ARHGAP26: variants seen among roughly 807,000 people sequenced by gnomAD.
ARHGAP26 encodes the protein rho GTPase-activating protein 26.
Under a neutral mutation model 104.8 loss-of-function variants are expected in ARHGAP26, and 38 were observed. That is an observed-to-expected ratio of 0.36 (90% CI 0.28 to 0.48). The LOEUF (loss-of-function observed/expected upper bound fraction) is 0.48. Among genes scored for constraint, ARHGAP26 ranks in the 20% least tolerant of loss-of-function variants. The pLI is 0.99. For missense variants in ARHGAP26, 704 were observed against 947.9 expected (o/e 0.74, Z 3.38); for synonymous variants, 341 against 340.0 (o/e 1.00, Z -0.03).
rs558354646 is a variant in ARHGAP26 at position 143,148,497 on chromosome 5, T to A, written c.1988+1116T>A. 4.6e-5 allele frequency among the ~76,000 whole-genome samples: 7 copies of A among 152,322 alleles called. No individual in the cohort carries two copies. In the South Asian group the frequency reaches 1.5e-3, roughly 32 times the overall value. ...AATGTGACTATACTGTAGGATGAAA[T>A]CTGAAACTGAGAATATAAGATCTTT... On this transcript the variant is annotated intron_variant, in intron 20 of 22. Transcript: ENST00000645722.
In ARHGAP26 at chr5:143,014,394, A is replaced by ATCGTAGGTCTTAAGACTATAGC. The variant is rs1213917603; in HGVS notation, c.1144+283_1144+304dup. The ATCGTAGGTCTTAAGACTATAGC allele has an allele frequency of 9.9e-6, 5 of 506,386 alleles. No homozygotes were observed. The Admixed American group carries it at 1.4e-4, about 14-fold the overall frequency. 31.4% of individuals were successfully genotyped at this position (506,386 alleles called of 1,614,324 possible). ...ATTCTCGTGTACATTATCTCCTTTA[A>ATCGTAGGTCTTAAGACTATAGC]TCGTAGGTCTTAAGACTATAGCTCG... On this transcript the variant is annotated intron_variant, in intron 12 of 22. Coordinates refer to ENST00000645722, the MANE Select transcript of ARHGAP26 (RefSeq NM_001135608.3).
intron 16 of ARHGAP26, 78 bp from the exon 17 acceptor site, chr5:143,057,564 G>T: frequency 8.5e-7 from 1 of 1,174,342 alleles, no homozygotes. Flanking sequence ...CTCATCCTTT[G>T]GTTTCCCTTA....
chr5:142,965,373 G>T (rs1270403205), intron 11 of ARHGAP26, among the ~76,000 whole-genome samples: 1 of 152,160 alleles, frequency 6.6e-6, no homozygotes, highest in Non-Finnish European at 1.5e-5. Flanking sequence ...CTAAGTAGCG[G>T]GTATTGTTCC....
At chr5:143,092,609 G>A (rs967109116) in intron 17 of ARHGAP26, among the ~76,000 whole-genome samples, 13 of 148,896 alleles carry the variant, frequency 8.7e-5, no homozygotes, top group Admixed American at 6.0e-4. Context: ...CTTCCTTCAC[G>A]TAGGTGGACT....
chr5:143,052,665 A>G (rs921958747), intron 14 of ARHGAP26, among the ~76,000 whole-genome samples: 2 of 152,052 alleles, frequency 1.3e-5, no homozygotes, highest in Admixed American at 1.3e-4. Context: ...ACACACGGAG[A>G]GCAGTAGATA....
At chr5:143,027,354 T>C (rs1322302551) in intron 12 of ARHGAP26, among the ~76,000 whole-genome samples, 1 of 151,206 alleles carries the variant, frequency 6.6e-6, no homozygotes, top group African/African-American at 2.4e-5. Context: ...TTTTCTTTTT[T>C]TTTTTTTTTA....
At chr5:142,947,095 T>TTAAAAAAAAAAAA (rs1491383996) in intron 11 of ARHGAP26, 2 of 70,684 alleles carry the variant, frequency 2.8e-5, no homozygotes, top group African/African-American at 1.0e-4. Context: ...TTTTTAAAAG[T>TTAAAAAAAAAAAA]AAAAAAAAAA....
chr5:143,207,409 C>A (rs754066085), intron 21 of ARHGAP26, 101 bp downstream of exon 21: 3 of 1,614,146 alleles, frequency 1.9e-6, no homozygotes, highest in Non-Finnish European at 2.5e-6. Context: ...CAACTTTGTT[C>A]CCTGCCATCC....
chr5:142,819,938 A>G (rs1452923108), intron 1 of ARHGAP26, among the ~76,000 whole-genome samples: 1 of 152,170 alleles, frequency 6.6e-6, no homozygotes, highest in Non-Finnish European at 1.5e-5. Flanking sequence ...AGACTTCAGG[A>G]GGCCTGTGAA....
At chr5:143,135,052 G>C (rs1797760128) in intron 19 of ARHGAP26, among the ~76,000 whole-genome samples, 1 of 152,232 alleles carries the variant, frequency 6.6e-6, no homozygotes, top group Non-Finnish European at 1.5e-5. Flanking sequence ...GTTCAAAACT[G>C]AGTAAGGAAG....
At chr5:142,890,074 T>G (rs557983875) in intron 5 of ARHGAP26, among the ~76,000 whole-genome samples, 4 of 142,670 alleles carry the variant, frequency 2.8e-5, no homozygotes, top group South Asian at 2.3e-4. Context: ...AGGCGGAGGT[T>G]GCGGTGAGCC....
At chr5:143,221,602 C>A (rs1296127529) in intron 22 of ARHGAP26, among the ~76,000 whole-genome samples, 2 of 152,176 alleles carry the variant, frequency 1.3e-5, no homozygotes, top group Non-Finnish European at 2.9e-5. Context: ...CAGCCTCGAC[C>A]TGCTGAGCCC....
intron 21 of ARHGAP26, among the ~76,000 whole-genome samples, chr5:143,210,474 C>T (rs1809281743): frequency 6.6e-6 from 1 of 152,078 alleles, no homozygotes; most frequent in South Asian, 2.1e-4. Context: ...CTCTTCAAAC[C>T]ATTTATAGAC....
In ARHGAP26 at chr5:143,227,061, A is replaced by G; in HGVS notation, c.*4615A>G. On this transcript the variant is annotated 3_prime_UTR_variant, in exon 23 of 23. Transcript: ENST00000645722. ...GAAAGACAGAAAGAAGAAGCCAAAG[A>G]TAACCTGATCCCTGCCTGTCTGTTG... 4.3e-6 allele frequency: 1 copy of G among 230,692 alleles called. No individual in the cohort carries two copies. The highest frequency in any genetic ancestry group is 8.6e-6 in the Non-Finnish European group (1 of 116,458). 14.3% of individuals were successfully genotyped at this position (230,692 alleles called of 1,614,324 possible).
chr5:142,796,847 C>T (rs2151941185), intron 1 of ARHGAP26, among the ~76,000 whole-genome samples: 1 of 152,328 alleles, frequency 6.6e-6, no homozygotes, highest in Middle Eastern at 3.4e-3. Context: ...CATCCCTGTC[C>T]TCCTTTGTTT....
chr5:142,864,382 A>G (rs1446118638), intron 1 of ARHGAP26, among the ~76,000 whole-genome samples: 2 of 152,204 alleles, frequency 1.3e-5, no homozygotes, highest in South Asian at 2.1e-4. Flanking sequence ...AAAGAAACCC[A>G]TACTGCTTTG....
chr5:142,983,437 CT>C (rs1774239376), intron 11 of ARHGAP26, among the ~76,000 whole-genome samples: 1 of 152,180 alleles, frequency 6.6e-6, no homozygotes, highest in African/African-American at 2.4e-5. Flanking sequence ...AACTCCTGAC[CT>C]CAAGTGATCT....
At chr5:143,139,332 C>G (rs1798252695) in intron 19 of ARHGAP26, among the ~76,000 whole-genome samples, 1 of 152,154 alleles carries the variant, frequency 6.6e-6, no homozygotes, top group Admixed American at 6.5e-5. Context: ...GACAAGTAAA[C>G]TGAGGTCAAG....
intron 5 of ARHGAP26, among the ~76,000 whole-genome samples, chr5:142,890,224 A>G (rs1392688634): frequency 7.4e-6 from 1 of 135,340 alleles, no homozygotes; most frequent in African/African-American, 2.7e-5. Flanking sequence ...TAACCATTAT[A>G]AATGTGTGTT....
Sources: gnomAD v4.1 joint callset for allele counts (sites outside exome capture counted in the v4.1 genomes callset) on GRCh38, gnomAD v4.1.1 for gene constraint, MANE v1.5 for transcripts, NCBI Gene and HGNC (gene_info 2026-07-23, HGNC 2026-07-21) for gene names.